Variants in SPO11 observed in about 807,000 individuals in gnomAD.
SPO11 encodes the protein SPO11 initiator of meiotic double strand breaks.
SPO11 carries 49 observed loss-of-function variants against 51.6 expected under a neutral mutation model. The observed-to-expected ratio is 0.95, with a 90% confidence interval of 0.75 to 1.20. SPO11 has a LOEUF of 1.20. Among genes scored for constraint, SPO11 ranks in the 50% most tolerant of loss-of-function variants. The probability of loss-of-function intolerance (pLI) is 0.00; values close to 1 mark genes in which losing one functional copy is unlikely to be tolerated. For synonymous variants in SPO11, 176 were observed against 158.2 expected (o/e 1.11, Z -0.84); for missense variants, 431 against 473.4 (o/e 0.91, Z 0.83).
intron 9 of SPO11, among the ~76,000 whole-genome samples, 178 bp downstream of exon 9, chr20:57,338,553 C>T (rs1315109779): frequency 6.6e-6 from 1 of 151,850 alleles, no homozygotes; most frequent in East Asian, 1.9e-4. Context: ...AAGTGATTCT[C>T]CTGCCTCAGC....
chr20:57,337,798 G>A (rs1201235404), intron 8 of SPO11: 11 of 1,300,014 alleles, frequency 8.5e-6, no homozygotes, highest in Non-Finnish European at 1.0e-5. Context: ...CTTTTTTTTG[G>A]TGCTGTGACT....
intron 11 of SPO11, 28 bp downstream of exon 11, chr20:57,340,206 T>C (rs752388584): frequency 2.1e-6 from 3 of 1,437,920 alleles, no homozygotes; most frequent in Non-Finnish European, 2.0e-6. Flanking sequence ...AACTAGGATA[T>C]TTAAAATGAC....
intron 4 of SPO11, 94 bp downstream of exon 4, chr20:57,333,847 A>T: frequency 2.1e-6 from 2 of 950,328 alleles, no homozygotes; most frequent in South Asian, 1.6e-5. Flanking sequence ...GTTACATAAG[A>T]CTAAACTATA....
Position 57,338,298 on chromosome 20 carries a change from A to T in SPO11, c.767A>T (p.Asn256Ile), listed in dbSNP as rs2066537596. ...TAGGGAAAGGGAGTTCCTGATCTAA[A>T]CACAAGACTTTTAGTCAAGAAACTG... is the stretch of plus-strand genomic sequence containing the variant. ...MITGKGVPDLNTRLLVKKLWD... is the reference protein window; with the variant it reads ...MITGKGVPDLITRLLVKKLWD... Residue 256 changes from asparagine (N) to isoleucine (I), a missense_variant, in exon 9 of 13, where the codon AAC (asparagine) becomes ATC (isoleucine). Around this residue, in one of 3 missense-constraint regions of SPO11, gnomAD observed 405 missense variants for 425.9 expected, o/e 0.95. Transcript: ENST00000371263. The T allele has an allele frequency of 1.2e-6, 2 of 1,613,362 alleles. No homozygotes were observed. Among genetic ancestry groups the T allele is most frequent in the African/African-American group, 1.3e-5 (1 of 74,886 alleles).
At chr20:57,341,272 T>G (rs1172517984) in intron 11 of SPO11, among the ~76,000 whole-genome samples, 1 of 152,224 alleles carries the variant, frequency 6.6e-6, no homozygotes, top group African/African-American at 2.4e-5. Context: ...CAGTCTCTTG[T>G]AACTAAATCT....
intron 7 of SPO11, 104 bp downstream of exon 7, chr20:57,335,559 C>T: frequency 2.6e-6 from 3 of 1,167,550 alleles, no homozygotes; most frequent in Non-Finnish European, 3.7e-6. Context: ...ACAAGTTAGG[C>T]CCTGTAGCAG....
rs767632574 is a variant in SPO11 at position 57,338,341 on chromosome 20, T to A, written c.810T>A (p.Val270=). 1.9e-6 allele frequency: 3 copies of A among 1,613,888 alleles called. No individual in the cohort carries two copies. The highest frequency in any genetic ancestry group is 2.5e-6 in the Non-Finnish European group (3 of 1,179,824). ...LVKKLWDTFH[V]PVFTLVDADP... is the part of the protein sequence containing the mutation. ...AGAAACTGTGGGATACATTTCATGT[T>A]CCTGTTTTCACTCTTGTAGATGCTG... is the stretch of plus-strand genomic sequence containing the variant. The change falls in exon 9 of 13, where the codon GTT becomes GTA. Residue 270 remains valine (V), a synonymous_variant. Coordinates refer to ENST00000371263, the MANE Select transcript of SPO11 (RefSeq NM_012444.3).
At chr20:57,343,083 G>A (rs569516363) in intron 12 of SPO11, among the ~76,000 whole-genome samples, 6 of 152,144 alleles carry the variant, frequency 3.9e-5, no homozygotes, top group African/African-American at 1.4e-4. Flanking sequence ...CTTGATGGCT[G>A]TATCATAGTT....
rs1186378580 is a variant in SPO11, at chr20:57,338,326, G to C, written c.795G>C (p.Trp265Cys). ...CAAGACTTTTAGTCAAGAAACTGTGGGATACATTTCATGTTCCTGTTTTCA... is the reference window on the plus strand; with the variant it reads ...CAAGACTTTTAGTCAAGAAACTGTGCGATACATTTCATGTTCCTGTTTTCA... ...LNTRLLVKKL[W>C]DTFHVPVFTL... The change falls in exon 9 of 13, where the codon TGG becomes TGC. Residue 265 changes from tryptophan (W) to cysteine (C), a missense_variant. Transcript: ENST00000371263. 2 of 1,613,594 alleles carry C rather than the reference G, an allele frequency of 1.2e-6. No homozygotes were observed. Among genetic ancestry groups the C allele is most frequent in the African/African-American group, 2.7e-5 (2 of 74,828 alleles).
chr20:57,335,570 T>C (rs2066502724), intron 7 of SPO11, 115 bp downstream of exon 7: 1 of 1,026,566 alleles, frequency 9.7e-7, no homozygotes, highest in Non-Finnish European at 1.4e-6. Context: ...CCTGTAGCAG[T>C]CAAGATGAAC....
At chr20:57,341,294 CTTAG>C (rs889405658) in intron 11 of SPO11, among the ~76,000 whole-genome samples, 3 of 152,136 alleles carry the variant, frequency 2.0e-5, no homozygotes, top group Admixed American at 6.5e-5. Flanking sequence ...TATGCACATC[CTTAG>C]TTAGTCCCTT....
chr20:57,339,955 T>C (rs2066560502), intron 10 of SPO11, 147 bp from the exon 11 acceptor site: 2 of 619,398 alleles, frequency 3.2e-6, no homozygotes, highest in Non-Finnish European at 5.7e-6. Context: ...TAGCCCCTGA[T>C]GGTTTTCTTA....
In SPO11 at chr20:57,342,659, A is replaced by C. The variant is rs1188193678; in HGVS notation, c.960-70A>C. 1.4e-5 allele frequency: 13 copies of C among 911,088 alleles called. No homozygotes were observed. In the East Asian group the frequency reaches 3.0e-4, roughly 21 times the overall value. The allele number at this position is 911,088 out of a possible 1,614,324, so 56.4% of individuals were successfully genotyped here. On this transcript the variant is annotated intron_variant, in intron 11 of 12. Coordinates refer to ENST00000371263, the MANE Select transcript of SPO11 (RefSeq NM_012444.3). ...TTTCTTGAAGTAGTACCATAAATACAGGCAAAATACAGGACATTCAAGTTA... is the reference window on the plus strand; with the variant it reads ...TTTCTTGAAGTAGTACCATAAATACCGGCAAAATACAGGACATTCAAGTTA...
At chr20:57,335,278 G>T in intron 6 of SPO11, 141 bp from the exon 7 acceptor site, 1 of 690,260 alleles carries the variant, frequency 1.4e-6, no homozygotes. Flanking sequence ...GGGTAAAGCT[G>T]TTTTCTACTA....
chr20:57,329,835 G>GGCTTCTGGA lies in SPO11; in HGVS notation c.-24_-16dup. 2 of 1,599,566 alleles carry GGCTTCTGGA rather than the reference G, an allele frequency of 1.3e-6. No homozygotes were observed. Among genetic ancestry groups the GGCTTCTGGA allele is most frequent in the East Asian group, 2.2e-5 (1 of 44,648 alleles). ...CCCCAAGGGCGCAGCCTAGGACAGGGGCTTCTGGAGCTTCTGGCAGCCGTC... is the reference window on the plus strand; with the variant it reads ...CCCCAAGGGCGCAGCCTAGGACAGGGGCTTCTGGAGCTTCTGGAGCTTCTGGCAGCCGTC... On this transcript the variant is annotated 5_prime_UTR_variant, in exon 1 of 13. Transcript: ENST00000371263.
intron 7 of SPO11, 136 bp downstream of exon 7, chr20:57,335,591 C>A: frequency 1.2e-6 from 1 of 834,352 alleles, no homozygotes; most frequent in Non-Finnish European, 1.9e-6. Context: ...ACACCATGGT[C>A]CCTTCTTTAG....
In SPO11 at chr20:57,334,806, C is replaced by T; in HGVS notation, c.567C>T (p.Gly189=). 6.2e-7 allele frequency: 1 copy of T among 1,613,814 alleles called. No individual in the cohort carries two copies. The highest frequency in any genetic ancestry group is 8.5e-7 in the Non-Finnish European group (1 of 1,179,834). ...AGNLRYIEED[G]TKVNCTCGAT... ...ACTTAAGATACATCGAGGAAGATGG[C>T]ACCAAAGTGAATTGTACCTGTGGTG... Residue 189 remains glycine (G), a synonymous_variant, in exon 6 of 13, where the codon GGC becomes GGT. Coordinates refer to ENST00000371263, the MANE Select transcript of SPO11 (RefSeq NM_012444.3).
intron 4 of SPO11, 83 bp downstream of exon 4, chr20:57,333,836 A>G: frequency 8.0e-6 from 8 of 998,518 alleles, no homozygotes; most frequent in African/African-American, 1.6e-5. Context: ...TGCTTTGAAA[A>G]GTTACATAAG....
chr20:57,339,547 TG>T (rs2066554349), intron 10 of SPO11, among the ~76,000 whole-genome samples: 1 of 152,152 alleles, frequency 6.6e-6, no homozygotes, highest in South Asian at 2.1e-4. Flanking sequence ...CCAGAACTAC[TG>T]AGCCAAAATC....
Sources: gnomAD v4.1 joint callset for allele counts (sites outside exome capture counted in the v4.1 genomes callset) on GRCh38, gnomAD v4.1.1 for gene constraint, gnomAD v4.1.1 regional missense constraint, MANE v1.5 for transcripts, NCBI Gene and HGNC (gene_info 2026-07-23, HGNC 2026-07-21) for gene names.